SYT16: variants seen among roughly 807,000 people sequenced by gnomAD.
SYT16 encodes the protein synaptotagmin-16.
A neutral mutation model predicts 61.4 loss-of-function variants in SYT16; 42 were observed. The ratio of observed to expected loss-of-function variants is 0.68; its 90% CI spans 0.53 to 0.89. The LOEUF is 0.89. Ranked by LOEUF, SYT16 falls within the 40% of genes least tolerant of loss-of-function variation. SYT16 has a pLI of 0.00. For missense variants in SYT16, 804 were observed against 807.3 expected (o/e 1.00, Z 0.05); for synonymous variants, 314 against 302.3 (o/e 1.04, Z -0.40).
At chr14:61,958,541 T>C (rs1174540806) in intron 1 of SYT16, among the ~76,000 whole-genome samples, 1 of 152,080 alleles carries the variant, frequency 6.6e-6, no homozygotes, top group Non-Finnish European at 1.5e-5. Context: ...GCGTGTATTA[T>C]TTAATTTCCA....
At chr14:62,009,158 A>T (rs570661877) in intron 3 of SYT16, among the ~76,000 whole-genome samples, 1 of 152,330 alleles carries the variant, frequency 6.6e-6, no homozygotes, top group East Asian at 1.9e-4. Context: ...GAATCTAAGT[A>T]TTAGAAGTTG....
intron 3 of SYT16, among the ~76,000 whole-genome samples, chr14:62,010,818 A>G (rs986522026): frequency 6.6e-6 from 1 of 152,150 alleles, no homozygotes; most frequent in Non-Finnish European, 1.5e-5. Context: ...TTTCAAAACC[A>G]AAATAAGAAC....
intron 1 of SYT16, among the ~76,000 whole-genome samples, chr14:61,941,454 C>T (rs1392238311): frequency 6.6e-6 from 1 of 152,170 alleles, no homozygotes; most frequent in Non-Finnish European, 1.5e-5. Flanking sequence ...TCATTCGTAG[C>T]CCTCTCATTC....
chr14:61,943,775 CAT>C (rs1419855086), intron 1 of SYT16, among the ~76,000 whole-genome samples: 3 of 152,298 alleles, frequency 2.0e-5, no homozygotes, highest in African/African-American at 7.2e-5. Context: ...CAGCCAATGT[CAT>C]ATTGAATGGG....
chr14:61,853,171 G>C (rs556680015), intron 1 of SYT16, among the ~76,000 whole-genome samples: 2 of 152,138 alleles, frequency 1.3e-5, no homozygotes, highest in South Asian at 4.1e-4. Context: ...CACCCGCTTT[G>C]GCCTCCCAAA....
At position 61,907,012 on chromosome 14, in the gene SYT16, T is replaced by C. The variant is rs117446045; in HGVS notation, c.-324-63120T>C. Reference sequence around the variant, plus strand: ...TATTCATACCCTGTGCTAGAAGTTATGATGGATATAAAAAATACATGGAAT... The same window carrying C: ...TATTCATACCCTGTGCTAGAAGTTACGATGGATATAAAAAATACATGGAAT... On this transcript the variant is annotated intron_variant, in intron 1 of 7. Coordinates refer to ENST00000683842, the MANE Select transcript of SYT16 (RefSeq NM_001367656.1). 6.1e-3 allele frequency among the ~76,000 whole-genome samples: 934 copies of C among 152,350 alleles called. 18 individuals are homozygous for C. Among genetic ancestry groups the C allele is most frequent in the South Asian group, 0.031 (152 of 4,828 alleles).
At chr14:62,038,540 A>G (rs913625714) in intron 3 of SYT16, among the ~76,000 whole-genome samples, 2 of 152,114 alleles carry the variant, frequency 1.3e-5, no homozygotes, top group Middle Eastern at 3.2e-3. Flanking sequence ...ACAGTGGCAC[A>G]TATTCCATGA....
intron 1 of SYT16, among the ~76,000 whole-genome samples, chr14:61,858,496 A>G (rs2046853575): frequency 6.6e-6 from 1 of 152,240 alleles, no homozygotes. Flanking sequence ...AGCAGAGACT[A>G]TGACTACAAC....
chr14:61,982,891 A>T (rs908154967), intron 2 of SYT16, among the ~76,000 whole-genome samples: 3 of 152,164 alleles, frequency 2.0e-5, no homozygotes, highest in African/African-American at 7.2e-5. Context: ...TCTCTCTCCA[A>T]GATACATCCT....
chr14:61,992,141 C>G (rs1033139105), intron 2 of SYT16, among the ~76,000 whole-genome samples: 12 of 152,016 alleles, frequency 7.9e-5, no homozygotes, highest in Non-Finnish European at 7.4e-5. Flanking sequence ...AAGGCACATT[C>G]AAAACACTCT....
At chr14:62,052,375 A>G (rs1336008295) in intron 3 of SYT16, among the ~76,000 whole-genome samples, 1 of 152,224 alleles carries the variant, frequency 6.6e-6, no homozygotes, top group African/African-American at 2.4e-5. Context: ...AAGCATTTTT[A>G]TAATTTTTAA....
intron 3 of SYT16, among the ~76,000 whole-genome samples, chr14:62,060,748 CTA>C (rs934946267): frequency 2.6e-5 from 4 of 151,620 alleles, no homozygotes; most frequent in African/African-American, 9.7e-5. Flanking sequence ...TTTTTTATGA[CTA>C]TAATCATAAG....
intron 5 of SYT16, among the ~76,000 whole-genome samples, chr14:62,076,035 G>T (rs1954487): frequency 0.41 from 61,843 of 152,026 alleles, 12,812 homozygotes; most frequent in Middle Eastern, 0.47. Flanking sequence ...TCTTTTTCAA[G>T]TAAAGCTTAG....
At position 62,075,225 on chromosome 14, in the gene SYT16, A is replaced by G. The variant is rs200718503; in HGVS notation, c.827A>G (p.Glu276Gly). Residue 276 changes from glutamate (E) to glycine (G), a missense_variant, in exon 5 of 8, where the codon GAA becomes GGA. Glu to Gly is a moderately conservative substitution (Grantham distance 98, BLOSUM62 -2). Transcript: ENST00000683842. ...HIPAHSQSPCERGDAKHHGTS... is the reference protein window; with the variant it reads ...HIPAHSQSPCGRGDAKHHGTS... ...CCTGCTCACTCACAGTCCCCATGTG[A>G]AAGAGGGGATGCCAAACACCACGGC... 1.8e-4 allele frequency: 291 copies of G among 1,613,604 alleles called. No individual in the cohort carries two copies. The highest frequency in any genetic ancestry group is 1.5e-3 in the Middle Eastern group (9 of 6,084).
intron 3 of SYT16, among the ~76,000 whole-genome samples, chr14:62,022,685 C>T (rs11851988): frequency 0.44 from 67,222 of 151,652 alleles, 15,291 homozygotes; most frequent in East Asian, 0.67. Flanking sequence ...TTTTACTATC[C>T]GGTTTTAAAA....
In SYT16 at chr14:62,065,541, G is replaced by A. The variant is rs550823331; in HGVS notation, c.524-4062G>A. Among the ~76,000 whole-genome samples, 3 of 152,220 alleles carry A rather than the reference G, an allele frequency of 2.0e-5. No individual in the cohort carries two copies. The South Asian group carries it at 6.2e-4, about 32-fold the overall frequency. ...AGAACCATATACTAATAAATTAGTTGCAATTATTAATTTTATAGATGGAAA... is the reference window on the plus strand; with the variant it reads ...AGAACCATATACTAATAAATTAGTTACAATTATTAATTTTATAGATGGAAA... On this transcript the variant is annotated intron_variant, in intron 3 of 7. Transcript: ENST00000683842.
chr14:62,100,342 G>T, intron 7 of SYT16, 52 bp from the exon 8 acceptor site: 2 of 1,447,904 alleles, frequency 1.4e-6, no homozygotes, highest in South Asian at 2.9e-5. Flanking sequence ...GCCAAACAGA[G>T]AGCACTAATG....
chr14:61,856,269 C>T lies in SYT16; in HGVS notation c.-325+43459C>T, dbSNP rs145045870. The stretch of plus-strand genomic sequence containing the variant: ...AGGATTGCTCTGGCTGCTGCTTTGA[C>T]GGTCAACTAAAGATGGGTGACAGTG... On this transcript the variant is annotated intron_variant, in intron 1 of 7. Transcript: ENST00000683842. 2.1e-3 allele frequency among the ~76,000 whole-genome samples: 327 copies of T among 152,250 alleles called. 1 individual carries two copies. The highest frequency in any genetic ancestry group is 7.5e-3 in the African/African-American group (312 of 41,530).
Position 62,100,973 on chromosome 14 carries a change from T to C in SYT16, c.*266T>C, listed in dbSNP as rs143861068. 742 of 361,312 alleles carry C rather than the reference T, an allele frequency of 2.1e-3. 6 individuals carry two copies. Among genetic ancestry groups the C allele is most frequent in the African/African-American group, 0.014 (678 of 48,358 alleles). 22.4% of individuals were successfully genotyped at this position (361,312 alleles called of 1,614,324 possible). ...CCACTGATGAGTTAATTTGTGCCAA[T>C]AGATCATTGAGTTTTAGTTCAGGGT... On this transcript the variant is annotated 3_prime_UTR_variant, in exon 8 of 8. Transcript: ENST00000683842.
Sources: gnomAD v4.1 joint callset for allele counts (sites outside exome capture counted in the v4.1 genomes callset) on GRCh38, gnomAD v4.1.1 for gene constraint, MANE v1.5 for transcripts, NCBI Gene and HGNC (gene_info 2026-07-23, HGNC 2026-07-21) for gene names.